The following TULP1 variants were observed in gnomAD, a reference collection of about 807,000 sequenced individuals.
TULP1 encodes the protein TUB like protein 1, also known as tubby-related protein 1.
Under a neutral mutation model 67.1 loss-of-function variants are expected in TULP1, and 50 were observed. That is an observed-to-expected ratio of 0.75 (90% confidence interval 0.59 to 0.94). TULP1 has a LOEUF of 0.94. Ranked by LOEUF, TULP1 falls within the 40% of genes least tolerant of loss-of-function variation. The pLI, the probability that TULP1 is intolerant of heterozygous loss-of-function variation, is 0.00. For missense variants in TULP1, 746 were observed against 734.1 expected, an observed-to-expected ratio of 1.02 and a Z score of -0.19; for synonymous variants, 297 against 294.0, an observed-to-expected ratio of 1.01 and a Z score of -0.11.
At position 35,510,926 on chromosome 6, in the gene TULP1, T is replaced by G. The variant is rs1445297694; in HGVS notation, c.434A>C (p.Lys145Thr). 6.2e-7 allele frequency: 1 copy of G among 1,613,784 alleles called. No individual in the cohort carries two copies. Among genetic ancestry groups the G allele is most frequent in the Non-Finnish European group, 8.5e-7 (1 of 1,179,984 alleles). Residue 145 changes from lysine (K) to threonine (T), a missense_variant, in exon 5 of 15, where the codon AAG becomes ACG. Lys to Thr is a moderately conservative substitution (Grantham distance 78, BLOSUM62 -1). Around this residue, in one of 3 missense-constraint regions of TULP1, gnomAD observed 359 missense variants for 341.9 expected, o/e 1.05. Transcript: ENST00000229771. ...KKEKILLPPK[K>T]PLREKSSADL... is the part of the protein sequence containing the mutation. Reference sequence around the variant, plus strand: ...TGCGGAGCTCTTCTCTCTCAGGGGCTTCTTGGGAGGCAGAAGGATTTTCTC... The same window carrying G: ...TGCGGAGCTCTTCTCTCTCAGGGGCGTCTTGGGAGGCAGAAGGATTTTCTC...
At chr6:35,512,304 G>T in intron 2 of TULP1, 34 bp from the exon 3 acceptor site, 1 of 1,119,114 alleles carries the variant, frequency 8.9e-7, no homozygotes, top group Non-Finnish European at 1.2e-6. Flanking sequence ...GGTCGAGGAA[G>T]GAAAGGGGGG....
Position 35,498,066 on chromosome 6 carries a change from G to A in TULP1, c.*261C>T, listed in dbSNP as rs1242636920. 4 of 603,180 alleles carry A rather than the reference G, an allele frequency of 6.6e-6. No individual in the cohort carries two copies. The highest frequency in any genetic ancestry group is 2.8e-5 in the East Asian group (1 of 35,514). The allele number at this position is 603,180 out of a possible 1,614,324, so 37.4% of individuals were successfully genotyped here. The stretch of plus-strand genomic sequence containing the variant: ...GGCGCGGGGAGGAGGGGGGCACAGC[G>A]GCGCAGGCGAGCTCCGAGACCAGAT... On this transcript the variant is annotated 3_prime_UTR_variant, in exon 15 of 15. Transcript: ENST00000229771. The surrounding 1 kb of genome is among the most constrained non-coding windows in gnomAD (Gnocchi z 6.7).
At chr6:35,510,001 T>C (rs2150927519) in intron 5 of TULP1, 73 bp from the exon 6 acceptor site, 1 of 1,437,182 alleles carries the variant, frequency 7.0e-7, no homozygotes, top group Non-Finnish European at 9.8e-7. Flanking sequence ...AACCCTCTTG[T>C]CCTGCCTATA....
chr6:35,510,170 C>G (rs1761167883), intron 5 of TULP1, among the ~76,000 whole-genome samples: 1 of 152,086 alleles, frequency 6.6e-6, no homozygotes, highest in Non-Finnish European at 1.5e-5. Flanking sequence ...TCTTGTGCCT[C>G]AGCCGCCCAA....
chr6:35,509,201 G>A lies in TULP1; in HGVS notation c.822+8C>T, dbSNP rs2150926950. 6.2e-7 allele frequency: 1 copy of A among 1,612,920 alleles called. No individual in the cohort carries two copies. The highest frequency in any genetic ancestry group is 8.5e-7 in the Non-Finnish European group (1 of 1,178,998). On this transcript the variant is annotated splice_region_variant and intron_variant, in intron 8 of 14. Transcript: ENST00000229771. Reference sequence around the variant, plus strand: ...GGACCTCAGCCCCCTGCCCCTCTGGGCCCCAACCTTTTTGCCTTTTCCTTT... The same window carrying A: ...GGACCTCAGCCCCCTGCCCCTCTGGACCCCAACCTTTTTGCCTTTTCCTTT...
At chr6:35,507,558 C>A (rs942386407) in intron 8 of TULP1, among the ~76,000 whole-genome samples, 20 of 152,166 alleles carry the variant, frequency 1.3e-4, no homozygotes, top group Non-Finnish European at 2.5e-4. Context: ...TGAGAAACTC[C>A]TAAGAACAAT....
chr6:35,503,800 G>A lies in TULP1; in HGVS notation c.1161C>T (p.Asn387=). 3 of 1,613,260 alleles carry A rather than the reference G, an allele frequency of 1.9e-6. No individual in the cohort carries two copies. Among genetic ancestry groups the A allele is most frequent in the Non-Finnish European group, 2.5e-6 (3 of 1,179,856 alleles). ...CATTAGTGCTGTACCCACGCTGTGG[G>A]TTCTGCCCGTTGTCAAAGACCGTGA... The part of the protein sequence containing the change: ...NRFTVFDNGQ[N]PQRGYSTNVA... Residue 387 remains asparagine (N), a synonymous_variant, in exon 12 of 15, where the codon AAC becomes AAT. Transcript: ENST00000229771. This position sits in a 1 kb window ranked among gnomAD's most constrained non-coding sequence, Gnocchi z 4.0.
In TULP1 at chr6:35,511,810, A is replaced by G. The variant is rs1761211072; in HGVS notation, c.191-4T>C. On this transcript the variant is annotated splice_polypyrimidine_tract_variant and splice_region_variant and intron_variant, in intron 3 of 14. Coordinates refer to ENST00000229771, the MANE Select transcript of TULP1 (RefSeq NM_003322.6). Reference sequence around the variant, plus strand: ...CGCGGCCTCCCCGTCCGCCCAGCTGAGCCGAGATGCGGGGTTCAGACAGGG... The same window carrying G: ...CGCGGCCTCCCCGTCCGCCCAGCTGGGCCGAGATGCGGGGTTCAGACAGGG... The G allele has an allele frequency of 2.6e-6, 4 of 1,545,772 alleles. No individual in the cohort carries two copies. In the East Asian group the frequency reaches 9.7e-5, roughly 37 times the overall value.
rs1236583822 is a variant in TULP1, at chr6:35,503,301, C to T, written c.1323+258G>A. 2.0e-6 allele frequency: 1 copy of T among 491,318 alleles called. No homozygotes were observed. The highest frequency in any genetic ancestry group is 3.7e-6 in the Non-Finnish European group (1 of 268,512). The allele number at this position is 491,318 out of a possible 1,614,324, so 30.4% of individuals were successfully genotyped here. On this transcript the variant is annotated intron_variant, in intron 13 of 14. Transcript: ENST00000229771. The surrounding 1 kb of genome is among the most constrained non-coding windows in gnomAD (Gnocchi z 4.0). The stretch of plus-strand genomic sequence containing the variant: ...CAGGTGCCTAGGATAATACTTGGCA[C>T]TCAATATGTGTGGTCAATGAAGATA...
In TULP1 at chr6:35,503,628, G is replaced by A. The variant is rs762666014; in HGVS notation, c.1254C>T (p.Pro418=). The A allele has an allele frequency of 6.3e-7, 1 of 1,599,894 alleles. No individual in the cohort carries two copies. Among genetic ancestry groups the A allele is most frequent in the South Asian group, 1.1e-5 (1 of 88,384 alleles). Residue 418 remains proline (P), a synonymous_variant, in exon 13 of 15, where the codon CCC becomes CCT. Transcript: ENST00000229771. The surrounding 1 kb of genome is among the most constrained non-coding windows in gnomAD (Gnocchi z 4.0). ...YETNVLGFRG[P]RRMTVIIPGM... ...CAGGAATGATGACGGTCATGCGCCG[G>A]GGGCCACGGAAGCCCAGCACGTTGG...
In TULP1 at chr6:35,510,917, C is replaced by T. The variant is rs757429877; in HGVS notation, c.443G>A (p.Arg148Lys). 8.1e-6 allele frequency: 13 copies of T among 1,613,968 alleles called. No homozygotes were observed. The highest frequency in any genetic ancestry group is 1.0e-5 in the Non-Finnish European group (12 of 1,180,034). The change falls in exon 5 of 15, where the codon AGA (arginine) becomes AAA (lysine). Residue 148 changes from arginine (R) to lysine (K), a missense_variant. Transcript: ENST00000229771. ...KILLPPKKPLREKSSADLKER... is the reference protein window; with the variant it reads ...KILLPPKKPLKEKSSADLKER... ...CTTCAGGTCTGCGGAGCTCTTCTCTCTCAGGGGCTTCTTGGGAGGCAGAAG... is the reference window on the plus strand; with the variant it reads ...CTTCAGGTCTGCGGAGCTCTTCTCTTTCAGGGGCTTCTTGGGAGGCAGAAG...
Position 35,503,432 on chromosome 6 carries a change from A to G in TULP1, c.1323+127T>C. 1.1e-6 allele frequency: 1 copy of G among 951,870 alleles called. No homozygotes were observed. The highest frequency in any genetic ancestry group is 1.6e-6 in the Non-Finnish European group (1 of 619,130). The allele number at this position is 951,870 out of a possible 1,614,324, so 59.0% of individuals were successfully genotyped here. A position where few individuals can be genotyped will look rare whatever the true frequency, so the allele number is the denominator to read the frequency against. On this transcript the variant is annotated intron_variant, in intron 13 of 14. Coordinates refer to ENST00000229771, the MANE Select transcript of TULP1 (RefSeq NM_003322.6). The surrounding 1 kb of genome is among the most constrained non-coding windows in gnomAD (Gnocchi z 4.0). ...TACAAAAAGCCCAAGTCCATTCCCT[A>G]GGTGGCCAGAATGAATTTGTGTTGG... is the stretch of plus-strand genomic sequence containing the variant.
Position 35,498,299 on chromosome 6 carries a change from C to G in TULP1, c.*28G>C. ...GAATCCTTTCCCCCACGCTGACGGG[C>G]TCTGGGGGCGCTGAGGGGCTGCTGG... On this transcript the variant is annotated 3_prime_UTR_variant, in exon 15 of 15. Transcript: ENST00000229771. The surrounding 1 kb of genome is among the most constrained non-coding windows in gnomAD (Gnocchi z 6.7). The G allele has an allele frequency of 6.2e-7, 1 of 1,610,518 alleles. No homozygotes were observed. The highest frequency in any genetic ancestry group is 2.2e-5 in the East Asian group (1 of 44,812).
rs746362065 is a variant in TULP1, at chr6:35,510,830, T to C, written c.499+31A>G. The C allele has an allele frequency of 1.9e-5, 31 of 1,612,978 alleles. 2 individuals are homozygous for C. In the South Asian group the frequency reaches 3.0e-4, roughly 15 times the overall value. ...CAAGGACAGGGCTGTTCTGCTTCCCTGTGAGCTCTCTCAGCACCCTCAGCA... is the reference window on the plus strand; with the variant it reads ...CAAGGACAGGGCTGTTCTGCTTCCCCGTGAGCTCTCTCAGCACCCTCAGCA... On this transcript the variant is annotated intron_variant, in intron 5 of 14. Coordinates refer to ENST00000229771, the MANE Select transcript of TULP1 (RefSeq NM_003322.6).
chr6:35,500,731 G>C (rs1399811125), intron 13 of TULP1, among the ~76,000 whole-genome samples: 3 of 152,162 alleles, frequency 2.0e-5, no homozygotes, highest in Non-Finnish European at 4.4e-5. Flanking sequence ...TCTCAGCTCT[G>C]AGTTTCCATG....
At position 35,498,374 on chromosome 6, in the gene TULP1, A is replaced by C; in HGVS notation, c.1582T>G (p.Phe528Val). Residue 528 changes from phenylalanine (F) to valine (V), a missense_variant, in exon 15 of 15, where the codon TTC becomes GTC. By Grantham distance (50) the Phe-to-Val change is conservative. Coordinates refer to ENST00000229771, the MANE Select transcript of TULP1 (RefSeq NM_003322.6). The surrounding 1 kb of genome is among the most constrained non-coding windows in gnomAD (Gnocchi z 6.7). ...YRYPLCALQA[F>V]AIALSSFDGK... ...TCGAAACTGGAGAGGGCGATGGCGA[A>C]GGCCTGCAGGGCGCACAGCGGGTAC... 6.2e-7 allele frequency: 1 copy of C among 1,613,534 alleles called. No individual in the cohort carries two copies. Among genetic ancestry groups the C allele is most frequent in the Non-Finnish European group, 8.5e-7 (1 of 1,179,886 alleles).
chr6:35,505,207 G>A (rs1761056569), intron 11 of TULP1, among the ~76,000 whole-genome samples: 1 of 152,184 alleles, frequency 6.6e-6, no homozygotes, highest in Admixed American at 6.5e-5. Context: ...AAAATGCTGG[G>A]ATTACAGGCA....
At chr6:35,507,203 CAAA>C (rs869194937) in intron 8 of TULP1, among the ~76,000 whole-genome samples, 32 of 71,962 alleles carry the variant, frequency 4.4e-4, no homozygotes, top group Non-Finnish European at 2.7e-4. Flanking sequence ...AACACTCAAG[CAAA>C]AAAAAAAAAA....
At chr6:35,499,932 A>G (rs1768794020) in intron 14 of TULP1, 49 bp downstream of exon 14, 1 of 1,608,932 alleles carries the variant, frequency 6.2e-7, no homozygotes, top group Admixed American at 1.7e-5. Flanking sequence ...GAAGGTCAGC[A>G]TCCTGGGGGT....
Sources: allele counts gnomAD v4.1 joint callset (sites outside exome capture counted in the v4.1 genomes callset), GRCh38; gene constraint gnomAD v4.1.1; regional missense constraint gnomAD v4.1.1; non-coding constraint Gnocchi (gnomAD v3.1); transcripts MANE v1.5; gene names NCBI Gene and HGNC (gene_info 2026-07-23, HGNC 2026-07-21).